Variants in C4orf46 observed in about 807,000 individuals in gnomAD.
The protein encoded by C4orf46 is chromosome 4 open reading frame 46, also known as renal cancer differentiation gene 1 protein.
In C4orf46, 8 loss-of-function variants were observed where a neutral mutation model predicts 9.1. That is an observed-to-expected ratio of 0.88 (90% CI 0.52 to 1.59). The LOEUF (loss-of-function observed/expected upper bound fraction) is 1.59, where lower values mean the gene tolerates loss of function less well. C4orf46 is among the 40% of genes most tolerant of loss of function. C4orf46 has a pLI of 0.00. For synonymous variants in C4orf46, 51 were observed against 58.8 expected (o/e 0.87, Z 0.61); for missense variants, 151 against 139.1 (o/e 1.09, Z -0.43).
At chr4:158,671,157 A>C (rs1214882369) in intron 1 of C4orf46, among the ~76,000 whole-genome samples, 1 of 152,232 alleles carries the variant, frequency 6.6e-6, no homozygotes, top group African/African-American at 2.4e-5. Flanking sequence ...GTCCCATGGA[A>C]AGAAATCACA....
In C4orf46 at chr4:158,666,829, G is replaced by A. The variant is rs79964311; in HGVS notation, c.*2784C>T. 7.9e-5 allele frequency: 12 copies of A among 152,320 alleles called. No homozygotes were observed. The East Asian group carries it at 1.7e-3, about 22-fold the overall frequency. 9.4% of individuals were successfully genotyped at this position (152,320 alleles called of 1,614,324 possible). A position where few individuals can be genotyped will look rare whatever the true frequency, so the allele number is the denominator to read the frequency against. On this transcript the variant is annotated 3_prime_UTR_variant, in exon 2 of 2. Coordinates refer to ENST00000379205, the MANE Select transcript of C4orf46 (RefSeq NM_001008393.4). Reference sequence around the variant, plus strand: ...ACATTTCAGAGAAGTGTGACAAGACGAAGGAAAGCAGTTTTAGGCTTCCAG... The same window carrying A: ...ACATTTCAGAGAAGTGTGACAAGACAAAGGAAAGCAGTTTTAGGCTTCCAG...
At position 158,671,836 on chromosome 4, in the gene C4orf46, A is replaced by AT. The variant is rs1561232363; in HGVS notation, c.-36_-35insA. The stretch of plus-strand genomic sequence containing the variant: ...TTGGGACCGCGGAATCCGACCCGAG[A>AT]AGCCGAACCGACACCAACTGTCTTT... On this transcript the variant is annotated 5_prime_UTR_variant, in exon 1 of 2. Coordinates refer to ENST00000379205, the MANE Select transcript of C4orf46 (RefSeq NM_001008393.4). 1 of 1,439,986 alleles carries AT rather than the reference A, an allele frequency of 6.9e-7. No individual in the cohort carries two copies. Among genetic ancestry groups the AT allele is most frequent in the Non-Finnish European group, 9.2e-7 (1 of 1,086,058 alleles). The allele number at this position is 1,439,986 out of a possible 1,614,324, so 89.2% of individuals were successfully genotyped here.
chr4:158,668,885 TC>T lies in C4orf46; in HGVS notation c.*727del, dbSNP rs2150298010. 1 of 152,174 alleles carries T rather than the reference TC, an allele frequency of 6.6e-6. No homozygotes were observed. Among genetic ancestry groups the T allele is most frequent in the African/African-American group, 2.4e-5 (1 of 41,554 alleles). The allele number at this position is 152,174 out of a possible 1,614,324, so 9.4% of individuals were successfully genotyped here. On this transcript the variant is annotated 3_prime_UTR_variant, in exon 2 of 2. Transcript: ENST00000379205. ...CAGTCTTTCCCTTTCTGAAGTAAAG[TC>T]TTTAAAAAAAAAATCAAACAAGTAC...
At position 158,671,706 on chromosome 4, in the gene C4orf46, G is replaced by A. The variant is rs1369910007; in HGVS notation, c.96C>T (p.Gly32=). 1 of 1,609,236 alleles carries A rather than the reference G, an allele frequency of 6.2e-7. No homozygotes were observed. Among genetic ancestry groups the A allele is most frequent in the South Asian group, 1.1e-5 (1 of 90,352 alleles). ...CTGGCCAGCCCAAACTCACTGGGCC[G>A]CCCGGGGAAGATGCTGCAGAGGCGT... The part of the protein sequence containing the change: ...SSDASAASSP[G]GPVSLGWPVP... Residue 32 remains glycine (G), a synonymous_variant, in exon 1 of 2, where the codon GGC becomes GGT. Coordinates refer to ENST00000379205, the MANE Select transcript of C4orf46 (RefSeq NM_001008393.4).
intron 1 of C4orf46, among the ~76,000 whole-genome samples, chr4:158,671,084 G>T (rs1392928499): frequency 6.6e-6 from 1 of 152,186 alleles, no homozygotes; most frequent in Non-Finnish European, 1.5e-5. Context: ...AGCAGGCCTG[G>T]GGCAGACAAT....
intron 1 of C4orf46, among the ~76,000 whole-genome samples, chr4:158,670,189 A>G (rs947986390): frequency 6.6e-6 from 1 of 151,656 alleles, no homozygotes; most frequent in African/African-American, 2.4e-5. Context: ...ACGCACAGCT[A>G]ATTTTGTATT....
chr4:158,671,202 C>T (rs918372506), intron 1 of C4orf46, among the ~76,000 whole-genome samples: 5 of 152,218 alleles, frequency 3.3e-5, no homozygotes, highest in African/African-American at 9.6e-5. Context: ...AGCCAGCAAA[C>T]TCATGCAGTG....
intron 1 of C4orf46, 67 bp downstream of exon 1, chr4:158,671,549 C>T: frequency 1.4e-6 from 2 of 1,391,870 alleles, no homozygotes; most frequent in South Asian, 1.6e-5. Context: ...CCTAGCCTCG[C>T]GAGCCCCGCC....
intron 1 of C4orf46, 79 bp downstream of exon 1, chr4:158,671,537 T>G (rs1773546949): frequency 7.4e-7 from 1 of 1,358,526 alleles, no homozygotes; most frequent in Admixed American, 2.8e-5. Flanking sequence ...GGGGACCGAT[T>G]CCCTAGCCTC....
At chr4:158,670,775 C>G (rs1773511830) in intron 1 of C4orf46, among the ~76,000 whole-genome samples, 1 of 152,060 alleles carries the variant, frequency 6.6e-6, no homozygotes, top group South Asian at 2.1e-4. Context: ...TAGTTCATCC[C>G]CTAGTTTCCA....
rs1773437112 is a variant in C4orf46 at position 158,668,460 on chromosome 4, T to C, written c.*1153A>G. On this transcript the variant is annotated 3_prime_UTR_variant, in exon 2 of 2. Transcript: ENST00000379205. ...TGTGGGGCATTAGAATATAGTTCTG[T>C]ACCTATCTCCATATCTACAAAGAAT... 6.6e-6 allele frequency: 1 copy of C among 152,660 alleles called. No homozygotes were observed. Among genetic ancestry groups the C allele is most frequent in the African/African-American group, 2.4e-5 (1 of 41,464 alleles). The allele number at this position is 152,660 out of a possible 1,614,324, so 9.5% of individuals were successfully genotyped here. A position where few individuals can be genotyped will look rare whatever the true frequency, so the allele number is the denominator to read the frequency against.
intron 1 of C4orf46, among the ~76,000 whole-genome samples, chr4:158,671,066 C>A (rs1773522148): frequency 6.6e-6 from 1 of 152,190 alleles, no homozygotes; most frequent in Non-Finnish European, 1.5e-5. Context: ...AAGCTGGGTC[C>A]AGCGCTAAGC....
intron 1 of C4orf46, 104 bp downstream of exon 1, chr4:158,671,512 G>A (rs1293617127): frequency 1.6e-6 from 2 of 1,219,258 alleles, no homozygotes; most frequent in Middle Eastern, 3.0e-4. Flanking sequence ...CGGTCGTCCC[G>A]GGTCATGGGG....
chr4:158,667,266 TA>T lies in C4orf46; in HGVS notation c.*2346del, dbSNP rs1268676276. On this transcript the variant is annotated 3_prime_UTR_variant, in exon 2 of 2. Coordinates refer to ENST00000379205, the MANE Select transcript of C4orf46 (RefSeq NM_001008393.4). ...AAAACAAGATTCCAAAATCATGCCA[TA>T]AAAGAAAACAAATTTCAGTTGGACT... 6 of 152,218 alleles carry T rather than the reference TA, an allele frequency of 3.9e-5. No homozygotes were observed. The highest frequency in any genetic ancestry group is 8.8e-5 in the Non-Finnish European group (6 of 67,978). The allele number at this position is 152,218 out of a possible 1,614,324, so 9.4% of individuals were successfully genotyped here.
rs1204650127 is a variant in C4orf46, at chr4:158,671,787, C to T, written c.15G>A (p.Glu5=). 2 of 1,544,810 alleles carry T rather than the reference C, an allele frequency of 1.3e-6. No individual in the cohort carries two copies. Among genetic ancestry groups the T allele is most frequent in the East Asian group, 4.9e-5 (2 of 40,698 alleles). ...GGGGCGGCGAAGAAACCTGCAACTC[C>T]TCAGGGTCGGCCATGGGGAAGGGTT... MADP[E]ELQVSSPPPP... The change falls in exon 1 of 2, where the codon GAG becomes GAA. Residue 5 remains glutamate, a synonymous_variant. Transcript: ENST00000379205.
At position 158,671,792 on chromosome 4, in the gene C4orf46, G is replaced by C; in HGVS notation, c.10C>G (p.Pro4Ala). 6.5e-7 allele frequency: 1 copy of C among 1,541,314 alleles called. No individual in the cohort carries two copies. Among genetic ancestry groups the C allele is most frequent in the Non-Finnish European group, 8.8e-7 (1 of 1,142,006 alleles). The change falls in exon 1 of 2, where the codon CCT becomes GCT. Residue 4 changes from proline (P) to alanine (A), a missense_variant. By Grantham distance (27) the Pro-to-Ala change is conservative. Transcript: ENST00000379205. MAD[P>A]EELQVSSPPP... Reference sequence around the variant, plus strand: ...GGCGAAGAAACCTGCAACTCCTCAGGGTCGGCCATGGGGAAGGGTTGGGAC... The same window carrying C: ...GGCGAAGAAACCTGCAACTCCTCAGCGTCGGCCATGGGGAAGGGTTGGGAC...
In C4orf46 at chr4:158,671,562, C is replaced by T. The variant is rs185447209; in HGVS notation, c.186+54G>A. The T allele has an allele frequency of 9.3e-6, 13 of 1,404,336 alleles. No homozygotes were observed. In the African/African-American group the frequency reaches 1.6e-4, roughly 18 times the overall value. 87.0% of individuals were successfully genotyped at this position (1,404,336 alleles called of 1,614,324 possible). A position where few individuals can be genotyped will look rare whatever the true frequency, so the allele number is the denominator to read the frequency against. ...TCCCTAGCCTCGCGAGCCCCGCCGC[C>T]GCCGGTCTTCCCAGAGGCGCCGAGG... On this transcript the variant is annotated intron_variant, in intron 1 of 1. Coordinates refer to ENST00000379205, the MANE Select transcript of C4orf46 (RefSeq NM_001008393.4).
intron 1 of C4orf46, among the ~76,000 whole-genome samples, 174 bp downstream of exon 1, chr4:158,671,442 C>T (rs866100081): frequency 6.6e-6 from 1 of 152,170 alleles, no homozygotes; most frequent in Non-Finnish European, 1.5e-5. Context: ...AGAGGGGTGG[C>T]ACTTTAGCTG....
chr4:158,671,864 A>G lies in C4orf46; in HGVS notation c.-63T>C, dbSNP rs1029305069. The G allele has an allele frequency of 7.4e-7, 1 of 1,359,652 alleles. No homozygotes were observed. The highest frequency in any genetic ancestry group is 2.9e-5 in the Admixed American group (1 of 34,132). 84.2% of individuals were successfully genotyped at this position (1,359,652 alleles called of 1,614,324 possible). A position where few individuals can be genotyped will look rare whatever the true frequency, so the allele number is the denominator to read the frequency against. Reference sequence around the variant, plus strand: ...CCGAACCGACACCAACTGTCTTTTAACCACTCGCGCCCAAAGCCGAAAGGC... The same window carrying G: ...CCGAACCGACACCAACTGTCTTTTAGCCACTCGCGCCCAAAGCCGAAAGGC... On this transcript the variant is annotated 5_prime_UTR_variant, in exon 1 of 2. Coordinates refer to ENST00000379205, the MANE Select transcript of C4orf46 (RefSeq NM_001008393.4).
Sources: allele counts gnomAD v4.1 joint callset (sites outside exome capture counted in the v4.1 genomes callset), GRCh38; gene constraint gnomAD v4.1.1; transcripts MANE v1.5; gene names NCBI Gene and HGNC (gene_info 2026-07-23, HGNC 2026-07-21).